FILIP1: variants seen among roughly 807,000 people sequenced by gnomAD.
FILIP1 encodes filamin A interacting protein 1.
Under a neutral mutation model 102.1 loss-of-function variants are expected in FILIP1, and 61 were observed. That is an observed-to-expected ratio of 0.60 (90% confidence interval 0.49 to 0.74). FILIP1 has a LOEUF of 0.74. Ranked by LOEUF, FILIP1 falls within the 30% of genes least tolerant of loss-of-function variation. FILIP1 has a pLI of 0.00. For missense variants in FILIP1, 1,314 were observed against 1,441.2 expected (o/e 0.91, Z 1.43); for synonymous variants, 491 against 526.9 (o/e 0.93, Z 0.93).
rs555376232 is a variant in FILIP1, at chr6:75,318,367, C to T, written c.630-3165G>A. Among the ~76,000 whole-genome samples the T allele has an allele frequency of 4.6e-5, 7 of 151,366 alleles. No individual in the cohort carries two copies. In the East Asian group the frequency reaches 7.8e-4, roughly 17 times the overall value. The stretch of plus-strand genomic sequence containing the variant: ...CCTTCGACCTCAGCCTCCCAAATGG[C>T]TGGGACTACAGGCACATAGCACATG... On this transcript the variant is annotated intron_variant, in intron 4 of 5. Coordinates refer to ENST00000237172, the MANE Select transcript of FILIP1 (RefSeq NM_015687.5).
At chr6:75,347,158 GAA>G (rs1285485120) in intron 4 of FILIP1, among the ~76,000 whole-genome samples, 6 of 152,090 alleles carry the variant, frequency 3.9e-5, no homozygotes, top group African/African-American at 1.4e-4. Flanking sequence ...TTAGGAGTGC[GAA>G]AAGTTATTTT....
In FILIP1 at chr6:75,312,841, G is replaced by T. The variant is rs776433993; in HGVS notation, c.2991C>A (p.Gly997=). 1 of 1,614,116 alleles carries T rather than the reference G, an allele frequency of 6.2e-7. No homozygotes were observed. Among genetic ancestry groups the T allele is most frequent in the East Asian group, 2.2e-5 (1 of 44,874 alleles). Residue 997 remains glycine, a synonymous_variant, in exon 5 of 6, where the codon GGC becomes GGA. Transcript: ENST00000237172. The part of the protein sequence containing the change: ...SREKTPESGR[G]AFADRPTSPI... ...GGGATGTGGGCCTGTCTGCAAATGC[G>T]CCTCTTCCACTTTCTGGAGTCTTCT...
At chr6:75,433,336 CTGT>C (rs1777893310) in intron 1 of FILIP1, among the ~76,000 whole-genome samples, 1 of 152,188 alleles carries the variant, frequency 6.6e-6, no homozygotes, top group African/African-American at 2.4e-5. Flanking sequence ...TTTCCAGCAA[CTGT>C]TGTTTCCTGA....
At chr6:75,472,094 T>C (rs1369548722) in intron 1 of FILIP1, among the ~76,000 whole-genome samples, 1 of 152,168 alleles carries the variant, frequency 6.6e-6, no homozygotes, top group Non-Finnish European at 1.5e-5. Flanking sequence ...CTGGTGAAAT[T>C]AGTGAAACAA....
intron 1 of FILIP1, among the ~76,000 whole-genome samples, chr6:75,422,780 T>C (rs1777509411): frequency 6.6e-6 from 1 of 152,196 alleles, no homozygotes; most frequent in African/African-American, 2.4e-5. Context: ...CCATTTGATA[T>C]TGGAATACAT....
At chr6:75,487,211 A>G (rs1405661797) in intron 1 of FILIP1, among the ~76,000 whole-genome samples, 2 of 152,204 alleles carry the variant, frequency 1.3e-5, no homozygotes, top group Non-Finnish European at 2.9e-5. Context: ...CCAGTGTCAC[A>G]TTTCAAGACT....
At chr6:75,438,385 CA>C (rs879601860) in intron 1 of FILIP1, among the ~76,000 whole-genome samples, 1 of 152,098 alleles carries the variant, frequency 6.6e-6, no homozygotes, top group Admixed American at 6.5e-5. Context: ...TCCTTTATTT[CA>C]CAGGGCTTTG....
In FILIP1 at chr6:75,353,544, C is replaced by T; in HGVS notation, c.624G>A (p.Arg208=). The T allele has an allele frequency of 6.2e-7, 1 of 1,614,122 alleles. No homozygotes were observed. Among genetic ancestry groups the T allele is most frequent in the South Asian group, 1.1e-5 (1 of 91,082 alleles). Residue 208 remains arginine (R), a synonymous_variant, in exon 4 of 6, where the codon CGG becomes CGA. Transcript: ENST00000237172. ...DDFTNLLEQE[R]ERLKKLLEQE... is the part of the protein sequence containing the mutation. The stretch of plus-strand genomic sequence containing the variant: ...GTGGTGTGTGTGCACATTACCTCTC[C>T]CGCTCCTGCTCCAGCAGGTTGGTGA...
intron 1 of FILIP1, among the ~76,000 whole-genome samples, chr6:75,443,779 G>A (rs1230634928): frequency 6.6e-6 from 1 of 152,168 alleles, no homozygotes; most frequent in Non-Finnish European, 1.5e-5. Context: ...CTGGTGTTAT[G>A]TTATCTGCCT....
intron 1 of FILIP1, among the ~76,000 whole-genome samples, chr6:75,428,836 A>G (rs1309953300): frequency 6.6e-6 from 1 of 151,702 alleles, no homozygotes. Flanking sequence ...GCTTAATGAG[A>G]CATTTTTATA....
chr6:75,292,368 A>G (rs1188154936), exon 7 of FILIP1: 12 of 152,230 alleles, frequency 7.9e-5, no homozygotes, highest in Admixed American at 7.8e-4. Flanking sequence ...CCTAAATAAT[A>G]TAAACAAAAA....
chr6:75,406,418 C>G (rs1335834881), intron 2 of FILIP1, among the ~76,000 whole-genome samples: 2 of 152,152 alleles, frequency 1.3e-5, no homozygotes, highest in Admixed American at 1.3e-4. Context: ...TAGTGAAGCT[C>G]CCATATTTTC....
chr6:75,488,085 A>T (rs1468703507), intron 1 of FILIP1, among the ~76,000 whole-genome samples: 1 of 152,128 alleles, frequency 6.6e-6, no homozygotes, highest in Non-Finnish European at 1.5e-5. Flanking sequence ...TAAATCACCC[A>T]ATATTATGCA....
chr6:75,438,935 GA>G (rs1026297067), intron 1 of FILIP1, among the ~76,000 whole-genome samples: 3 of 152,088 alleles, frequency 2.0e-5, no homozygotes, highest in Non-Finnish European at 4.4e-5. Context: ...GAAAGATTTT[GA>G]ACGACTCCAA....
In FILIP1 at chr6:75,414,894, C is replaced by A; in HGVS notation, c.79G>T (p.Ala27Ser). 6.2e-7 allele frequency: 1 copy of A among 1,613,860 alleles called. No homozygotes were observed. The highest frequency in any genetic ancestry group is 8.5e-7 in the Non-Finnish European group (1 of 1,179,856). Residue 27 changes from alanine (A) to serine (S), a missense_variant, in exon 2 of 6, where the codon GCT becomes TCT. Physicochemically the swap from Ala to Ser is moderately conservative, Grantham distance 99. Coordinates refer to ENST00000237172, the MANE Select transcript of FILIP1 (RefSeq NM_015687.5). Reference protein sequence around the residue: ...SCPKPSIIGNAGEKSLSEDAK... With the variant: ...SCPKPSIIGNSGEKSLSEDAK... The stretch of plus-strand genomic sequence containing the variant: ...TCTTCTGAGAGACTTTTTTCACCAG[C>A]ATTGCCGATGATGGAGGGCTTGGGA...
intron 4 of FILIP1, among the ~76,000 whole-genome samples, chr6:75,340,966 A>C (rs568493625): frequency 1.3e-5 from 2 of 150,012 alleles, no homozygotes; most frequent in South Asian, 4.2e-4. Flanking sequence ...GGCTTCCCAA[A>C]GTGCTGAGAT....
intron 2 of FILIP1, among the ~76,000 whole-genome samples, chr6:75,377,475 G>A (rs1243749733): frequency 2.0e-5 from 3 of 152,276 alleles, no homozygotes; most frequent in South Asian, 2.1e-4. Flanking sequence ...TAAGAGATAC[G>A]TGATGCTCTG....
At chr6:75,456,404 A>T (rs1043309532) in intron 1 of FILIP1, among the ~76,000 whole-genome samples, 1 of 152,220 alleles carries the variant, frequency 6.6e-6, no homozygotes, top group Non-Finnish European at 1.5e-5. Context: ...ATATATTGCA[A>T]GATATATTTA....
At chr6:75,477,381 A>G (rs1779508302) in intron 1 of FILIP1, among the ~76,000 whole-genome samples, 1 of 152,158 alleles carries the variant, frequency 6.6e-6, no homozygotes, top group Non-Finnish European at 1.5e-5. Context: ...GACTACAATC[A>G]ATAATAAGGC....
Sources: gnomAD v4.1 joint callset for allele counts (sites outside exome capture counted in the v4.1 genomes callset) on GRCh38, gnomAD v4.1.1 for gene constraint, MANE v1.5 for transcripts, NCBI Gene and HGNC (gene_info 2026-07-23, HGNC 2026-07-21) for gene names.